The following STPG2 variants were observed in gnomAD, a reference collection of about 807,000 sequenced individuals.
The protein encoded by STPG2 is sperm-tail PG-rich repeat-containing protein 2.
Under a neutral mutation model 54.2 loss-of-function variants are expected in STPG2, and 56 were observed. The observed-to-expected ratio is 1.03, with a 90% CI of 0.83 to 1.29. The LOEUF (loss-of-function observed/expected upper bound fraction) is 1.29, where lower values mean the gene tolerates loss of function less well. STPG2 is among the 50% of genes most tolerant of loss of function. The pLI is 0.00. For missense variants in STPG2, 596 were observed against 544.9 expected (o/e 1.09, Z -0.93); for synonymous variants, 200 against 181.8 (o/e 1.10, Z -0.81).
chr4:97,993,955 G>A (rs1578764040), intron 5 of STPG2, among the ~76,000 whole-genome samples: 1 of 151,866 alleles, frequency 6.6e-6, no homozygotes, highest in Admixed American at 6.6e-5. Context: ...TTCTAATTAA[G>A]CTTATTTGGA....
chr4:97,465,416 G>C (rs1461319600), intron 4 of STPG2, among the ~76,000 whole-genome samples: 1 of 152,120 alleles, frequency 6.6e-6, no homozygotes, highest in Non-Finnish European at 1.5e-5. Context: ...GCTGAATCCA[G>C]AAGTCTATTT....
rs145714332 is a variant in STPG2 at position 97,993,669 on chromosome 4, C to T, written c.613-12351G>A. Among the ~76,000 whole-genome samples the T allele has an allele frequency of 3.7e-3, 566 of 151,822 alleles. 1 individual carries two copies. Among genetic ancestry groups the T allele is most frequent in the African/African-American group, 0.013 (536 of 41,420 alleles). On this transcript the variant is annotated intron_variant, in intron 5 of 10. Coordinates refer to ENST00000295268, the MANE Select transcript of STPG2 (RefSeq NM_174952.3). ...AGTATCAATAGGATTGGTACCAATT[C>T]TTCTTTGAATGTCTGACAGAACTCA...
intron 1 of STPG2, among the ~76,000 whole-genome samples, chr4:98,138,377 G>C (rs184525467): frequency 6.6e-6 from 1 of 152,118 alleles, no homozygotes; most frequent in Non-Finnish European, 1.5e-5. Context: ...GAGGAGATTT[G>C]AGAAGAAAGA....
At chr4:97,993,074 T>C (rs1262478554) in intron 5 of STPG2, among the ~76,000 whole-genome samples, 1 of 152,194 alleles carries the variant, frequency 6.6e-6, no homozygotes. Context: ...ATACCCTTTA[T>C]TTCTTTCTCT....
intron 10 of STPG2, among the ~76,000 whole-genome samples, chr4:97,707,191 G>T (rs1001040531): frequency 7.2e-5 from 11 of 152,104 alleles, no homozygotes; most frequent in African/African-American, 2.7e-4. Context: ...AGGACCATGT[G>T]GAAATGATAA....
At chr4:97,708,344 A>T (rs1200938615) in intron 10 of STPG2, among the ~76,000 whole-genome samples, 1 of 152,114 alleles carries the variant, frequency 6.6e-6, no homozygotes, top group Non-Finnish European at 1.5e-5. Flanking sequence ...TTACCACACT[A>T]AAAATAATTT....
chr4:97,954,831 A>G (rs181207674), intron 7 of STPG2, among the ~76,000 whole-genome samples: 8 of 152,342 alleles, frequency 5.3e-5, no homozygotes, highest in Admixed American at 5.2e-4. Context: ...TAAAAATTAT[A>G]GGGCATGCCA....
At chr4:97,566,015 T>G (rs1341834640) in intron 10 of STPG2, among the ~76,000 whole-genome samples, 1 of 152,176 alleles carries the variant, frequency 6.6e-6, no homozygotes, top group African/African-American at 2.4e-5. Context: ...AGTCTTTTTG[T>G]TTGTCTGTGC....
chr4:98,128,385 T>C, intron 3 of STPG2, 43 bp downstream of exon 3: 1 of 1,497,926 alleles, frequency 6.7e-7, no homozygotes. Flanking sequence ...ATGTAAATCA[T>C]AAACAATTTT....
intron 4 of STPG2, among the ~76,000 whole-genome samples, chr4:97,494,020 T>C (rs938971709): frequency 1.1e-4 from 16 of 151,616 alleles, no homozygotes; most frequent in South Asian, 2.1e-4. Flanking sequence ...AATTTCTTAA[T>C]GACTCACCTT....
intron 8 of STPG2, among the ~76,000 whole-genome samples, chr4:97,889,001 T>C (rs1031826166): frequency 6.6e-6 from 1 of 152,208 alleles, no homozygotes; most frequent in Non-Finnish European, 1.5e-5. Context: ...CCTTCAGCCA[T>C]TGTAAGTTTC....
intron 4 of STPG2, among the ~76,000 whole-genome samples, chr4:97,483,602 A>G (rs866191794): frequency 2.6e-5 from 4 of 151,828 alleles, no homozygotes; most frequent in East Asian, 3.9e-4. Flanking sequence ...AAGAAATGAG[A>G]TAGACAGCAA....
intron 10 of STPG2, among the ~76,000 whole-genome samples, chr4:97,577,657 A>G (rs759582175): frequency 2.3e-4 from 35 of 152,270 alleles, no homozygotes; most frequent in Non-Finnish European, 1.2e-4. Flanking sequence ...TGACAGGATC[A>G]ATCATACCCC....
chr4:97,496,528 C>A (rs1730614469), intron 4 of STPG2, among the ~76,000 whole-genome samples: 1 of 151,716 alleles, frequency 6.6e-6, no homozygotes, highest in South Asian at 2.1e-4. Flanking sequence ...AGAATTACTG[C>A]ACTGCCATGG....
chr4:97,726,025 G>A (rs140257494), intron 9 of STPG2, among the ~76,000 whole-genome samples: 1 of 151,820 alleles, frequency 6.6e-6, no homozygotes, highest in East Asian at 1.9e-4. Context: ...TCAAAAGGAA[G>A]ATATCTTGAA....
chr4:98,025,999 G>C, intron 5 of STPG2: 1 of 1,066,324 alleles, frequency 9.4e-7, no homozygotes, highest in Non-Finnish European at 1.4e-6. Context: ...GAATGTTGCA[G>C]AATGTTGCAG....
chr4:97,777,601 G>A (rs1229561643), intron 9 of STPG2, among the ~76,000 whole-genome samples: 1 of 152,130 alleles, frequency 6.6e-6, no homozygotes, highest in Non-Finnish European at 1.5e-5. Flanking sequence ...AAAACTTTCA[G>A]TTTCTTACCT....
chr4:97,573,488 T>C (rs1732649672), intron 10 of STPG2, among the ~76,000 whole-genome samples: 1 of 151,934 alleles, frequency 6.6e-6, no homozygotes, highest in South Asian at 2.1e-4. Flanking sequence ...CTATAAAGGC[T>C]GCATGGTAGA....
intron 8 of STPG2, among the ~76,000 whole-genome samples, chr4:97,848,970 C>T (rs1729059723): frequency 6.7e-6 from 1 of 148,770 alleles, no homozygotes; most frequent in Admixed American, 6.7e-5. Flanking sequence ...TTAGGATTGA[C>T]TTGGCGATGT....
Sources: gnomAD v4.1 joint callset for allele counts (sites outside exome capture counted in the v4.1 genomes callset) on GRCh38, gnomAD v4.1.1 for gene constraint, MANE v1.5 for transcripts, NCBI Gene and HGNC (gene_info 2026-07-23, HGNC 2026-07-21) for gene names.